Variants in FGD6 observed in about 807,000 individuals in gnomAD.
FGD6 encodes the protein FYVE, RhoGEF and PH domain containing 6.
FGD6 carries 90 observed loss-of-function variants against 149.4 expected under a neutral mutation model. The ratio of observed to expected loss-of-function variants is 0.60; its 90% confidence interval spans 0.51 to 0.72. The LOEUF is 0.72. Among genes scored for constraint, FGD6 ranks in the 30% least tolerant of loss-of-function variants. FGD6 has a pLI of 0.00. For missense variants in FGD6, 1,437 were observed against 1,684.8 expected (o/e 0.85, Z 2.57); for synonymous variants, 527 against 584.0 (o/e 0.90, Z 1.41).
intron 3 of FGD6, among the ~76,000 whole-genome samples, chr12:95,170,101 A>T (rs1880947272): frequency 6.6e-6 from 1 of 152,050 alleles, no homozygotes; most frequent in Non-Finnish European, 1.5e-5. Context: ...AGCCTGGGAG[A>T]CAGAGCAAGA....
Position 95,084,554 on chromosome 12 carries a change from C to T in FGD6, c.4200G>A (p.Leu1400=). ...ATACATAAAATAACATGTTTTTGTGCAGTAACTGAAATACTTTAGACTCGG... is the reference window on the plus strand; with the variant it reads ...ATACATAAAATAACATGTTTTTGTGTAGTAACTGAAATACTTTAGACTCGG... ...ENSESKVFQL[L]HKNMLFYVFK... The change falls in exon 20 of 21, where the codon CTG becomes CTA. Residue 1400 remains leucine (L), a synonymous_variant. Transcript: ENST00000343958. 6.2e-7 allele frequency: 1 copy of T among 1,605,140 alleles called. No homozygotes were observed. The highest frequency in any genetic ancestry group is 1.1e-5 in the South Asian group (1 of 88,562).
intron 2 of FGD6, among the ~76,000 whole-genome samples, chr12:95,181,256 A>C (rs1055846827): frequency 1.3e-5 from 2 of 152,238 alleles, no homozygotes; most frequent in African/African-American, 4.8e-5. Context: ...GTGAACAGCA[A>C]CATAATAATA....
Position 95,141,404 on chromosome 12 carries a change from C to T in FGD6, c.2821G>A (p.Glu941Lys). 6.2e-7 allele frequency: 1 copy of T among 1,613,822 alleles called. No individual in the cohort carries two copies. Among genetic ancestry groups the T allele is most frequent in the African/African-American group, 1.3e-5 (1 of 75,012 alleles). ...CATTTTTACCAGTGCAACATTCTTT[C>T]CTCCAGTTCCTTCAAGAGATCCCGG... Reference protein sequence around the residue: ...LNRDLLKELEERMLHWTEQQR... With the variant: ...LNRDLLKELEKRMLHWTEQQR... The change falls in exon 6 of 21, where the codon GAA (glutamate) becomes AAA (lysine). Residue 941 changes from glutamate to lysine, a missense_variant. Transcript: ENST00000343958.
In FGD6 at chr12:95,108,370, T is replaced by C. The variant is rs896861552; in HGVS notation, c.3242A>G (p.His1081Arg). The C allele has an allele frequency of 6.2e-7, 1 of 1,613,998 alleles. No individual in the cohort carries two copies. Among genetic ancestry groups the C allele is most frequent in the Non-Finnish European group, 8.5e-7 (1 of 1,180,026 alleles). ...TACCCGACCAGGCTGCACAATTTCA[T>C]GGTGTCCATTTAAGCTGTACTGAAT... ...MQIQYSLNGH[H>R]EIVQPGRVFL... Residue 1081 changes from histidine to arginine, a missense_variant, in exon 11 of 21, where the codon CAT becomes CGT. Coordinates refer to ENST00000343958, the MANE Select transcript of FGD6 (RefSeq NM_018351.4).
At chr12:95,125,353 C>G (rs1341696240) in intron 8 of FGD6, among the ~76,000 whole-genome samples, 4 of 152,152 alleles carry the variant, frequency 2.6e-5, no homozygotes. Context: ...TCATGGATGG[C>G]TAGGTGTAGT....
At chr12:95,207,508 A>G (rs948607922) in intron 2 of FGD6, among the ~76,000 whole-genome samples, 1 of 152,220 alleles carries the variant, frequency 6.6e-6, no homozygotes, top group African/African-American at 2.4e-5. Context: ...AAAAGGGTCC[A>G]TGTGCTTTTT....
chr12:95,149,787 TTA>T (rs1201463260), intron 5 of FGD6, among the ~76,000 whole-genome samples: 6 of 142,722 alleles, frequency 4.2e-5, no homozygotes, highest in Non-Finnish European at 7.5e-5. Context: ...ATATAGTATA[TTA>T]TATGATATAT....
At chr12:95,214,927 A>T (rs2056746600) in intron 1 of FGD6, among the ~76,000 whole-genome samples, 2 of 137,764 alleles carry the variant, frequency 1.5e-5, no homozygotes. Flanking sequence ...CAGTGGCTCG[A>T]TCTCGGCTCA....
At position 95,092,712 on chromosome 12, in the gene FGD6, C is replaced by G; in HGVS notation, c.3734G>C (p.Arg1245Pro). ...ATCATCGCCAACCTTTCCACAGGCC[C>G]GGCAGTGGTGTCGTCTCCAGGTGAG... ...FTLTWRRHHC[R>P]ACGKIVCQAC... is the part of the protein sequence containing the mutation. The change falls in exon 16 of 21, where the codon CGG becomes CCG. Residue 1245 changes from arginine (R) to proline (P), a missense_variant. Arg to Pro is a moderately radical substitution (Grantham distance 103). Around this residue, in one of 2 missense-constraint regions of FGD6, gnomAD observed 382 missense variants for 538.7 expected, o/e 0.71. Transcript: ENST00000343958. The G allele has an allele frequency of 1.9e-6, 3 of 1,613,996 alleles. No individual in the cohort carries two copies. The highest frequency in any genetic ancestry group is 2.5e-6 in the Non-Finnish European group (3 of 1,179,992).
chr12:95,135,018 C>G (rs1009926721), intron 7 of FGD6, among the ~76,000 whole-genome samples, 192 bp from the exon 8 acceptor site: 1 of 152,190 alleles, frequency 6.6e-6, no homozygotes, highest in Non-Finnish European at 1.5e-5. Context: ...GACCACCAAC[C>G]TCCACCCTTT....
chr12:95,209,485 T>G lies in FGD6; in HGVS notation c.1799A>C (p.Lys600Thr), dbSNP rs1160876478. Residue 600 changes from lysine (K) to threonine (T), a missense_variant, in exon 2 of 21, where the codon AAG becomes ACG. Lys to Thr is a moderately conservative substitution (Grantham distance 78). Around this residue, in one of 2 missense-constraint regions of FGD6, gnomAD observed 1,055 missense variants for 1,146.0 expected, o/e 0.92. Coordinates refer to ENST00000343958, the MANE Select transcript of FGD6 (RefSeq NM_018351.4). ...SNSEPSTALT[K>T]PRAKSLSAMD... ...AGCAGATAACGATTTTGCTCTGGGC[T>G]TGGTTAGGGCTGTTGAAGGCTCACT... is the stretch of plus-strand genomic sequence containing the variant. 5 of 1,612,520 alleles carry G rather than the reference T, an allele frequency of 3.1e-6. No homozygotes were observed.
intron 3 of FGD6, among the ~76,000 whole-genome samples, chr12:95,153,951 G>GTGTGAA (rs1491081489): frequency 1.2e-5 from 1 of 85,462 alleles, no homozygotes; most frequent in Non-Finnish European, 2.7e-5. Context: ...GTGTGTGAGT[G>GTGTGAA]AGAGAGAGAA....
intron 2 of FGD6, among the ~76,000 whole-genome samples, chr12:95,193,530 G>GT (rs754634855): frequency 0.2 from 25,666 of 129,102 alleles, 2,784 homozygotes; most frequent in African/African-American, 0.29. Context: ...GTTAATTCTT[G>GT]TTTTTTTTTT....
At chr12:95,214,802 A>G (rs2056745349) in intron 1 of FGD6, among the ~76,000 whole-genome samples, 1 of 151,958 alleles carries the variant, frequency 6.6e-6, no homozygotes, top group African/African-American at 2.4e-5. Context: ...TGACCTGTAC[A>G]TGTTCAAAAG....
chr12:95,121,348 G>A (rs1438184314), intron 8 of FGD6, among the ~76,000 whole-genome samples: 2 of 150,994 alleles, frequency 1.3e-5, no homozygotes, highest in South Asian at 2.1e-4. Context: ...GGCTGAGGCC[G>A]GAGAATCACT....
At chr12:95,212,246 C>G (rs2056731314) in intron 1 of FGD6, among the ~76,000 whole-genome samples, 1 of 152,100 alleles carries the variant, frequency 6.6e-6, no homozygotes, top group African/African-American at 2.4e-5. Context: ...GGGATAGATC[C>G]TGGACATCTG....
intron 2 of FGD6, 86 bp downstream of exon 2, chr12:95,208,757 T>C: frequency 6.8e-7 from 1 of 1,464,300 alleles, no homozygotes; most frequent in African/African-American, 1.4e-5. Flanking sequence ...CCACGTGTTT[T>C]TTTTCCCCCT....
chr12:95,083,781 G>A (rs1157302957), intron 20 of FGD6, among the ~76,000 whole-genome samples: 1 of 152,122 alleles, frequency 6.6e-6, no homozygotes, highest in African/African-American at 2.4e-5. Flanking sequence ...TAAGCTTGTG[G>A]AGAACACATG....
In FGD6 at chr12:95,210,780, G is replaced by C. The variant is rs749806607; in HGVS notation, c.504C>G (p.Asn168Lys). 90 of 1,614,024 alleles carry C rather than the reference G, an allele frequency of 5.6e-5. No individual in the cohort carries two copies. The highest frequency in any genetic ancestry group is 7.3e-5 in the Non-Finnish European group (86 of 1,180,000). Reference sequence around the variant, plus strand: ...TTGCCTTTAAAACAACCCCACCCTGGTTCTTGGCTTTTTCACCATACAAAT... The same window carrying C: ...TTGCCTTTAAAACAACCCCACCCTGCTTCTTGGCTTTTTCACCATACAAAT... Reference protein sequence around the residue: ...KCDLYGEKAKNQGGVVLKASV... With the variant: ...KCDLYGEKAKKQGGVVLKASV... Residue 168 changes from asparagine to lysine, a missense_variant, in exon 2 of 21, where the codon AAC becomes AAG. Physicochemically the swap from Asn to Lys is moderately conservative, Grantham distance 94. Transcript: ENST00000343958.
Sources: gnomAD v4.1 joint callset for allele counts (sites outside exome capture counted in the v4.1 genomes callset) on GRCh38, gnomAD v4.1.1 for gene constraint, gnomAD v4.1.1 regional missense constraint, MANE v1.5 for transcripts, NCBI Gene and HGNC (gene_info 2026-07-23, HGNC 2026-07-21) for gene names.